DOK7: variants seen among roughly 807,000 people sequenced by gnomAD.
DOK7 encodes protein Dok-7.
In DOK7, 32 loss-of-function variants were observed where a neutral mutation model predicts 30.7. The ratio of observed to expected loss-of-function variants is 1.04; its 90% CI spans 0.79 to 1.40. The LOEUF (loss-of-function observed/expected upper bound fraction) is 1.40, where lower values mean the gene tolerates loss of function less well. Among genes scored for constraint, DOK7 ranks in the 40% most tolerant of loss-of-function variants. The pLI, the probability that DOK7 is intolerant of heterozygous loss-of-function variation, is 0.00. For synonymous variants in DOK7, 447 were observed against 324.1 expected (o/e 1.38, Z -4.07); for missense variants, 1,007 against 699.2 (o/e 1.44, Z -4.97).
At chr4:3,491,181 CT>C (rs1436266355) in intron 6 of DOK7, among the ~76,000 whole-genome samples, 1 of 24,538 alleles carries the variant, frequency 4.1e-5, no homozygotes, top group Non-Finnish European at 7.7e-5. Context: ...TCATTCATTC[CT>C]TCCCCCCTGC....
At chr4:3,498,265 G>A (rs961217683), downstream of DOK7, among the ~76,000 whole-genome samples, 3 of 152,330 alleles carry the variant, frequency 2.0e-5, no homozygotes, top group Admixed American at 2.0e-4. Context: ...GGGAGGAGGA[G>A]CACTGAGGGC....
intron 2 of DOK7, among the ~76,000 whole-genome samples, chr4:3,468,506 G>GTGTGCGTGTTTGTGTGTGAC (rs1553845268): frequency 6.6e-6 from 1 of 150,668 alleles, no homozygotes; most frequent in African/African-American, 2.5e-5. Context: ...GCATGTGCGT[G>GTGTGCGTGTTTGTGTGTGAC]TGTGCGTGTA....
At chr4:3,480,902 G>A (rs529210912) in intron 4 of DOK7, among the ~76,000 whole-genome samples, 11 of 152,336 alleles carry the variant, frequency 7.2e-5, no homozygotes, top group African/African-American at 2.6e-4. Flanking sequence ...GAGCCAGGAG[G>A]GGCACAGACC....
At chr4:3,485,475 TC>T (rs1339527161) in intron 4 of DOK7, 63 bp from the exon 5 acceptor site, 1 of 1,442,102 alleles carries the variant, frequency 6.9e-7, no homozygotes, top group Non-Finnish European at 9.2e-7. Flanking sequence ...CCTGTGTTCC[TC>T]CTCTTCAGGG....
At chr4:3,492,630 G>A in intron 6 of DOK7, 129 bp from the exon 7 acceptor site, 2 of 1,325,846 alleles carry the variant, frequency 1.5e-6, no homozygotes, top group Non-Finnish European at 2.1e-6. Flanking sequence ...TAGGCCCCGG[G>A]GCTTGGGGGC....
chr4:3,495,073 A>G (rs377363397), downstream of DOK7, among the ~76,000 whole-genome samples: 7 of 152,102 alleles, frequency 4.6e-5, no homozygotes, highest in East Asian at 5.8e-4. Flanking sequence ...GGCCACATCC[A>G]CTACCTGCTG....
chr4:3,491,117 CTCGT>C (rs1728372397), intron 6 of DOK7, among the ~76,000 whole-genome samples: 2 of 122,460 alleles, frequency 1.6e-5, no homozygotes, highest in African/African-American at 3.1e-5. Context: ...TCTCCCCCTG[CTCGT>C]TCATTCGTTT....
At chr4:3,464,465 C>T (rs1361101052) in intron 2 of DOK7, among the ~76,000 whole-genome samples, 1 of 152,210 alleles carries the variant, frequency 6.6e-6, no homozygotes, top group Admixed American at 6.5e-5. Flanking sequence ...GCCCAGACCT[C>T]CTGCCTGGAG....
At chr4:3,473,180 C>G (rs1244155151) in intron 2 of DOK7, among the ~76,000 whole-genome samples, 1 of 152,242 alleles carries the variant, frequency 6.6e-6, no homozygotes, top group Non-Finnish European at 1.5e-5. Flanking sequence ...TGGGCACAGA[C>G]ATGAATATTC....
intron 6 of DOK7, 23 bp downstream of exon 6, chr4:3,489,819 G>A (rs1203896502): frequency 6.4e-7 from 1 of 1,564,184 alleles, no homozygotes; most frequent in Non-Finnish European, 8.7e-7. Context: ...GCTGACCTGG[G>A]CTGTGGGACC....
rs544766283 is a variant in DOK7, at chr4:3,477,311, G to A, written c.532+769G>A. The stretch of plus-strand genomic sequence containing the variant: ...GCTGCTCATTGGCCGGGCTGAAGGC[G>A]GGCAGAGGGACCTCCTGTGGGCCTG... On this transcript the variant is annotated intron_variant, in intron 4 of 6. Coordinates refer to ENST00000340083, the MANE Select transcript of DOK7 (RefSeq NM_173660.5). Among the ~76,000 whole-genome samples the A allele has an allele frequency of 2.9e-4, 44 of 152,348 alleles. 1 individual carries two copies. In the Middle Eastern group the frequency reaches 0.014, roughly 47 times the overall value.
At chr4:3,498,859 G>C (rs759507848), downstream of DOK7, among the ~76,000 whole-genome samples, 2 of 152,252 alleles carry the variant, frequency 1.3e-5, no homozygotes, top group African/African-American at 2.4e-5. Flanking sequence ...CAGGGTTGGG[G>C]CAGAATTGTG....
downstream of DOK7, among the ~76,000 whole-genome samples, chr4:3,497,916 C>T (rs554506779): frequency 9.2e-5 from 14 of 152,310 alleles, no homozygotes; most frequent in South Asian, 2.5e-3. Flanking sequence ...GCTGTTGCCT[C>T]CCCGAGGCCA....
In DOK7 at chr4:3,492,921, T is replaced by A; in HGVS notation, c.935T>A (p.Val312Glu). 6.4e-7 allele frequency: 1 copy of A among 1,565,478 alleles called. No individual in the cohort carries two copies. Among genetic ancestry groups the A allele is most frequent in the Non-Finnish European group, 8.6e-7 (1 of 1,158,670 alleles). The stretch of plus-strand genomic sequence containing the variant: ...GCCCAGGCCGCCGGGGAAGCCATGG[T>A]GGGTGCCTCAAGGCCACCCCCCAAG... ...AAAQAAGEAMVGASRPPPKPL... is the reference protein window; with the variant it reads ...AAAQAAGEAMEGASRPPPKPL... The change falls in exon 7 of 7, where the codon GTG becomes GAG. Residue 312 changes from valine (V) to glutamate (E), a missense_variant. Transcript: ENST00000340083.
chr4:3,489,966 C>T (rs1458213203), intron 6 of DOK7, among the ~76,000 whole-genome samples, 170 bp downstream of exon 6: 1 of 141,292 alleles, frequency 7.1e-6, no homozygotes, highest in African/African-American at 2.9e-5. Context: ...CCGCCCGCTA[C>T]TCATTCATCC....
chr4:3,474,398 G>T (rs559927897), intron 3 of DOK7, among the ~76,000 whole-genome samples: 98 of 152,324 alleles, frequency 6.4e-4, no homozygotes, highest in African/African-American at 2.3e-3. Flanking sequence ...TGCTATTTTA[G>T]GCTGGGCACG....
In DOK7 at chr4:3,489,741, A is replaced by G. The variant is rs373509531; in HGVS notation, c.717A>G (p.Leu239=). The G allele has an allele frequency of 1.4e-5, 22 of 1,569,598 alleles. No homozygotes were observed. The highest frequency in any genetic ancestry group is 1.9e-5 in the Non-Finnish European group (22 of 1,157,280). Residue 239 remains leucine (L), a synonymous_variant, in exon 6 of 7, where the codon CTA becomes CTG. Coordinates refer to ENST00000340083, the MANE Select transcript of DOK7 (RefSeq NM_173660.5). ...TGGCCCAGGAAGCCCTGGAAACCCT[A>G]CAGCTGGAGAAGCGGCTGAGCCTCC... is the stretch of plus-strand genomic sequence containing the variant. The part of the protein sequence containing the change: ...ERVAQEALET[L]QLEKRLSLLS...
rs1560205458 is a variant in DOK7 at position 3,468,540 on chromosome 4, A to ATGAGTGTGTGTGACTGAG, written c.101-4864_101-4863insAGTGTGTGTGACTGAGTG. ...TATGAGTGTGTGTGACTGTGAGTGT[A>ATGAGTGTGTGTGACTGAG]TGTGTGTGTGCCTGTGTGAGCATGT... On this transcript the variant is annotated intron_variant, in intron 2 of 6. Transcript: ENST00000340083. 1.1e-3 allele frequency among the ~76,000 whole-genome samples: 105 copies of ATGAGTGTGTGTGACTGAG among 93,180 alleles called. 1 individual carries two copies. The highest frequency in any genetic ancestry group is 3.5e-3 in the African/African-American group (63 of 17,912). The allele number at this position is 93,180 out of a possible 152,430, so 61.1% of individuals were successfully genotyped here. A position where few individuals can be genotyped will look rare whatever the true frequency, so the allele number is the denominator to read the frequency against.
chr4:3,463,577 G>T, intron 2 of DOK7, 26 bp downstream of exon 2: 2 of 1,521,722 alleles, frequency 1.3e-6, no homozygotes, highest in South Asian at 2.4e-5. Context: ...GGGGGACGGG[G>T]GGCGCGGGGG....
Sources: allele counts gnomAD v4.1 joint callset (sites outside exome capture counted in the v4.1 genomes callset), GRCh38; gene constraint gnomAD v4.1.1; transcripts MANE v1.5; gene names NCBI Gene and HGNC (gene_info 2026-07-23, HGNC 2026-07-21).